IGFBPL1: variants seen among roughly 807,000 people sequenced by gnomAD.
IGFBPL1 encodes the protein insulin-like growth factor-binding protein-like 1.
IGFBPL1 carries 20 observed loss-of-function variants against 23.9 expected under a neutral mutation model. The observed-to-expected ratio is 0.84, with a 90% CI of 0.59 to 1.22. The LOEUF is 1.22. IGFBPL1 is among the 50% of genes most tolerant of loss of function. The pLI, the probability that IGFBPL1 is intolerant of heterozygous loss-of-function variation, is 0.00. For synonymous variants in IGFBPL1, 184 were observed against 171.8 expected (o/e 1.07, Z -0.56); for missense variants, 436 against 379.3 (o/e 1.15, Z -1.24).
In IGFBPL1 at chr9:38,410,355, T is replaced by C. The variant is rs531888281; in HGVS notation, c.*9+1036A>G. Among the ~76,000 whole-genome samples the C allele has an allele frequency of 2.8e-3, 430 of 151,840 alleles. 3 individuals are homozygous for C. Among genetic ancestry groups the C allele is most frequent in the African/African-American group, 8.9e-3 (368 of 41,368 alleles). ...AAAATTAGCCAGGTGTGGTGGCGGG[T>C]GCCTGTAGTCCCAGCTACTCGGGAG... On this transcript the variant is annotated intron_variant, in intron 4 of 4. Coordinates refer to ENST00000377694, the MANE Select transcript of IGFBPL1 (RefSeq NM_001007563.3).
rs1217519355 is a variant in IGFBPL1 at position 38,409,859 on chromosome 9, C to T, written c.*10-642G>A. Among the ~76,000 whole-genome samples the T allele has an allele frequency of 7.2e-5, 11 of 152,272 alleles. No homozygotes were observed. The East Asian group carries it at 1.7e-3, about 24-fold the overall frequency. ...CATCCTTCAATCCTCATGCCACCTCCTCGATGATTCTTCCTTCATTTTCCC... is the reference window on the plus strand; with the variant it reads ...CATCCTTCAATCCTCATGCCACCTCTTCGATGATTCTTCCTTCATTTTCCC... On this transcript the variant is annotated intron_variant, in intron 4 of 4. Coordinates refer to ENST00000377694, the MANE Select transcript of IGFBPL1 (RefSeq NM_001007563.3).
At chr9:38,418,509 G>A (rs1821630693) in intron 1 of IGFBPL1, among the ~76,000 whole-genome samples, 1 of 152,084 alleles carries the variant, frequency 6.6e-6, no homozygotes, top group Non-Finnish European at 1.5e-5. Context: ...GCCTCCTCTG[G>A]CCTTGGGTGA....
intron 1 of IGFBPL1, among the ~76,000 whole-genome samples, chr9:38,416,841 A>AT (rs1407725854): frequency 6.8e-6 from 1 of 148,066 alleles, no homozygotes; most frequent in Non-Finnish European, 1.5e-5. Flanking sequence ...CGCCCAGATA[A>AT]TTAAAAAAAA....
Position 38,408,415 on chromosome 9 carries a change from G to A in IGFBPL1, c.*812C>T, listed in dbSNP as rs755146801. Among the ~76,000 whole-genome samples the A allele has an allele frequency of 2.1e-4, 32 of 152,086 alleles. No homozygotes were observed. Among genetic ancestry groups the A allele is most frequent in the Non-Finnish European group, 4.1e-4 (28 of 68,020 alleles). ...TGCACTCCAGCCTGGGTGATAGAGC[G>A]AGACCCTGTCTCAAAATAAAATTTT... On this transcript the variant is annotated 3_prime_UTR_variant, in exon 5 of 5. Coordinates refer to ENST00000377694, the MANE Select transcript of IGFBPL1 (RefSeq NM_001007563.3).
chr9:38,414,676 C>T (rs1251418951), intron 1 of IGFBPL1, among the ~76,000 whole-genome samples: 1 of 152,190 alleles, frequency 6.6e-6, no homozygotes, highest in African/African-American at 2.4e-5. Context: ...AACAGCTGCA[C>T]ACACCCTGGA....
At chr9:38,422,414 A>AGT (rs1821692218) in intron 1 of IGFBPL1, among the ~76,000 whole-genome samples, 1 of 152,362 alleles carries the variant, frequency 6.6e-6, no homozygotes, top group African/African-American at 2.4e-5. Flanking sequence ...TGGAGTTAAA[A>AGT]GTGTTACCTG....
intron 1 of IGFBPL1, 141 bp from the exon 2 acceptor site, chr9:38,414,344 AAAAG>A (rs765435171): frequency 6.8e-5 from 39 of 576,994 alleles, no homozygotes; most frequent in Non-Finnish European, 1.0e-4. Context: ...CAGGAATCCT[AAAAG>A]AGAGATTTCC....
At position 38,413,305 on chromosome 9, in the gene IGFBPL1, C is replaced by T. The variant is rs773882688; in HGVS notation, c.619G>A (p.Asp207Asn). 63 of 1,613,890 alleles carry T rather than the reference C, an allele frequency of 3.9e-5. No homozygotes were observed. The highest frequency in any genetic ancestry group is 4.8e-5 in the Non-Finnish European group (57 of 1,179,960). ...GTQALEELPG[D>N]HVNIAVQVRG... ...ACTTGGACAGCTATATTGACATGGTCCCCAGGCAGCTCCTCCAGTGCTTGG... is the reference window on the plus strand; with the variant it reads ...ACTTGGACAGCTATATTGACATGGTTCCCAGGCAGCTCCTCCAGTGCTTGG... Residue 207 changes from aspartate to asparagine, a missense_variant, in exon 3 of 5, where the codon GAC becomes AAC. By Grantham distance (23) the Asp-to-Asn change is conservative. Transcript: ENST00000377694.
In IGFBPL1 at chr9:38,412,711, C is replaced by T. The variant is rs1281145418; in HGVS notation, c.687+526G>A. Among the ~76,000 whole-genome samples, 4 of 152,160 alleles carry T rather than the reference C, an allele frequency of 2.6e-5. No homozygotes were observed. In the East Asian group the frequency reaches 7.7e-4, roughly 29 times the overall value. ...GGCAGGGCTGCATTCTTTCTGAAGGCTCTCAGGAGACTCATTTTCTTGCCT... is the reference window on the plus strand; with the variant it reads ...GGCAGGGCTGCATTCTTTCTGAAGGTTCTCAGGAGACTCATTTTCTTGCCT... On this transcript the variant is annotated intron_variant, in intron 3 of 4. Coordinates refer to ENST00000377694, the MANE Select transcript of IGFBPL1 (RefSeq NM_001007563.3).
rs770299478 is a variant in IGFBPL1 at position 38,413,301 on chromosome 9, T to C, written c.623A>G (p.His208Arg). The change falls in exon 3 of 5, where the codon CAT becomes CGT. Residue 208 changes from histidine (H) to arginine (R), a missense_variant. By Grantham distance (29) the His-to-Arg change is conservative. Coordinates refer to ENST00000377694, the MANE Select transcript of IGFBPL1 (RefSeq NM_001007563.3). ...TCGCACTTGGACAGCTATATTGACA[T>C]GGTCCCCAGGCAGCTCCTCCAGTGC... is the stretch of plus-strand genomic sequence containing the variant. The part of the protein sequence containing the change: ...TQALEELPGD[H>R]VNIAVQVRGG... The C allele has an allele frequency of 2.5e-6, 4 of 1,614,088 alleles. No homozygotes were observed. The South Asian group carries it at 4.4e-5, about 18-fold the overall frequency.
At chr9:38,420,254 A>C (rs1487395929) in intron 1 of IGFBPL1, among the ~76,000 whole-genome samples, 12 of 152,140 alleles carry the variant, frequency 7.9e-5, no homozygotes, top group Admixed American at 7.9e-4. Flanking sequence ...CCATCCTACC[A>C]GGCCTCGGCC....
intron 1 of IGFBPL1, among the ~76,000 whole-genome samples, chr9:38,421,819 G>A (rs1056820927): frequency 2.0e-5 from 3 of 152,242 alleles, no homozygotes; most frequent in Non-Finnish European, 4.4e-5. Flanking sequence ...AGGACAGAGA[G>A]TGACAGGCAA....
chr9:38,411,123 C>A (rs1371758205), intron 4 of IGFBPL1, among the ~76,000 whole-genome samples: 1 of 152,204 alleles, frequency 6.6e-6, no homozygotes, highest in Non-Finnish European at 1.5e-5. Flanking sequence ...TTCCCTCCAG[C>A]CCCAAAACAC....
At chr9:38,420,762 A>T (rs1234795769) in intron 1 of IGFBPL1, among the ~76,000 whole-genome samples, 3 of 152,112 alleles carry the variant, frequency 2.0e-5, no homozygotes, top group Non-Finnish European at 4.4e-5. Flanking sequence ...GCGTGAACCC[A>T]GGAGGTGGAG....
At chr9:38,423,926 C>T in intron 1 of IGFBPL1, 39 bp downstream of exon 1, 1 of 1,331,722 alleles carries the variant, frequency 7.5e-7, no homozygotes, top group Non-Finnish European at 9.6e-7. Context: ...GGTTGGAATC[C>T]CTCCTTCTCT....
Position 38,424,322 on chromosome 9 carries a change from GCCGGC to G in IGFBPL1, c.98_102del (p.Gly33AlafsTer143), listed in dbSNP as rs1000632551. ...GGCCGGCACGGACCACACTTGGGGC[GCCGGC>G]CGCCCACGTCGCGGATCCCAAGGCT... On this transcript the variant is annotated frameshift_variant, in exon 1 of 5. Coordinates refer to ENST00000377694, the MANE Select transcript of IGFBPL1 (RefSeq NM_001007563.3). LOFTEE classifies it high-confidence loss of function. The G allele has an allele frequency of 8.6e-7, 1 of 1,164,366 alleles. No individual in the cohort carries two copies. The highest frequency in any genetic ancestry group is 1.2e-6 in the Non-Finnish European group (1 of 860,380). 72.1% of individuals were successfully genotyped at this position (1,164,366 alleles called of 1,614,324 possible).
chr9:38,417,784 G>T (rs1297703573), intron 1 of IGFBPL1, among the ~76,000 whole-genome samples: 1 of 152,198 alleles, frequency 6.6e-6, no homozygotes, highest in African/African-American at 2.4e-5. Flanking sequence ...AGAAGCTCAA[G>T]AGGGACTTGG....
At chr9:38,421,281 T>C (rs1821673030) in intron 1 of IGFBPL1, among the ~76,000 whole-genome samples, 1 of 80,736 alleles carries the variant, frequency 1.2e-5, no homozygotes, top group Non-Finnish European at 2.5e-5. Flanking sequence ...TGAGACCCTG[T>C]CTCAAAAAAA....
rs1821465154 is a variant in IGFBPL1, at chr9:38,408,544, T to G, written c.*683A>C. ...GCATCCCACCTAAAACTAAATCTCC[T>G]TCAAAGGGAAAAAGTTAGGAATAGA... On this transcript the variant is annotated 3_prime_UTR_variant, in exon 5 of 5. Transcript: ENST00000377694. 1.3e-5 allele frequency among the ~76,000 whole-genome samples: 2 copies of G among 152,198 alleles called. No individual in the cohort carries two copies. The highest frequency in any genetic ancestry group is 2.9e-5 in the Non-Finnish European group (2 of 68,030).
Sources: allele counts gnomAD v4.1 joint callset (sites outside exome capture counted in the v4.1 genomes callset), GRCh38; gene constraint gnomAD v4.1.1; transcripts MANE v1.5; gene names NCBI Gene and HGNC (gene_info 2026-07-23, HGNC 2026-07-21).